SEMA6A: variants seen among roughly 807,000 people sequenced by gnomAD.
SEMA6A encodes semaphorin-6A.
A neutral mutation model predicts 96.8 loss-of-function variants in SEMA6A; 25 were observed. The ratio of observed to expected loss-of-function variants is 0.26; its 90% confidence interval spans 0.19 to 0.36. The LOEUF is 0.36. SEMA6A is among the 10% of genes least tolerant of loss of function. SEMA6A has a pLI of 1.00. For missense variants in SEMA6A, 1,363 were observed against 1,323.1 expected (o/e 1.03, Z -0.47); for synonymous variants, 612 against 518.0 (o/e 1.18, Z -2.46).
intron 3 of SEMA6A, among the ~76,000 whole-genome samples, chr5:116,501,818 G>C (rs938963904): frequency 6.6e-6 from 1 of 152,158 alleles, no homozygotes; most frequent in Middle Eastern, 3.4e-3. Flanking sequence ...ACCCAGGAGA[G>C]GGAGGCTTCA....
In SEMA6A at chr5:116,556,136, A is replaced by C. The variant is rs538219338; in HGVS notation, c.-39+18049T>G. 3.9e-5 allele frequency among the ~76,000 whole-genome samples: 6 copies of C among 152,324 alleles called. No individual in the cohort carries two copies. In the South Asian group the frequency reaches 1.2e-3, roughly 32 times the overall value. ...ATAACAACTGTAGCAAAACATAGTC[A>C]CCTAACTCCTAATGCCTTATTTAAT... On this transcript the variant is annotated intron_variant, in intron 1 of 18. Coordinates refer to ENST00000343348, the MANE Select transcript of SEMA6A (RefSeq NM_020796.5).
intron 18 of SEMA6A, among the ~76,000 whole-genome samples, chr5:116,450,234 C>T (rs796452897): frequency 4.6e-5 from 7 of 152,262 alleles, no homozygotes; most frequent in African/African-American, 1.7e-4. Context: ...ACAGGCTAGA[C>T]GGCCCCAGTA....
intron 18 of SEMA6A, among the ~76,000 whole-genome samples, chr5:116,450,884 T>C (rs2112585948): frequency 6.6e-6 from 1 of 152,330 alleles, no homozygotes; most frequent in East Asian, 1.9e-4. Context: ...TAAACGTTAT[T>C]TTTGGAAATG....
At chr5:116,506,938 C>T (rs540680160) in intron 1 of SEMA6A, among the ~76,000 whole-genome samples, 52 of 152,314 alleles carry the variant, frequency 3.4e-4, no homozygotes, top group African/African-American at 1.2e-3. Context: ...GTCCTATAAG[C>T]TAACAAGACA....
chr5:116,451,172 T>C (rs1754609509), intron 18 of SEMA6A, among the ~76,000 whole-genome samples: 1 of 152,190 alleles, frequency 6.6e-6, no homozygotes, highest in Non-Finnish European at 1.5e-5. Context: ...TCTTACTGCC[T>C]TACTGGATTG....
rs190628078 is a variant in SEMA6A at position 116,494,980 on chromosome 5, G to T, written c.444+433C>A. ...GAGTGCTCAATGGAATTAAATTCCT[G>T]TGTTCTTGTAGGAAAGTCTACGGTT... On this transcript the variant is annotated intron_variant, in intron 6 of 18. Transcript: ENST00000343348. Among the ~76,000 whole-genome samples, 6 of 152,326 alleles carry T rather than the reference G, an allele frequency of 3.9e-5. No homozygotes were observed. The East Asian group carries it at 1.2e-3, about 29-fold the overall frequency.
At chr5:116,516,131 C>A (rs1243779759) in intron 1 of SEMA6A, among the ~76,000 whole-genome samples, 1 of 152,100 alleles carries the variant, frequency 6.6e-6, no homozygotes, top group Non-Finnish European at 1.5e-5. Flanking sequence ...TTCCCAGAAC[C>A]CTGAAAGCCA....
chr5:116,513,592 CTTGA>C (rs1357258066), intron 1 of SEMA6A, among the ~76,000 whole-genome samples: 1 of 148,220 alleles, frequency 6.7e-6, no homozygotes, highest in Non-Finnish European at 1.5e-5. Context: ...AAACCTTCCT[CTTGA>C]TTTTCTTTTT....
intron 1 of SEMA6A, among the ~76,000 whole-genome samples, chr5:116,523,470 C>A (rs1175638862): frequency 6.6e-6 from 1 of 152,090 alleles, no homozygotes; most frequent in African/African-American, 2.4e-5. Context: ...CGCCACCATG[C>A]CCAGCTAATT....
chr5:116,556,824 T>C (rs780655353), intron 1 of SEMA6A, among the ~76,000 whole-genome samples: 2 of 152,224 alleles, frequency 1.3e-5, no homozygotes, highest in Non-Finnish European at 2.9e-5. Flanking sequence ...AGAAAACATG[T>C]CAGTCACTCT....
At chr5:116,479,662 A>C (rs1182097074) in intron 12 of SEMA6A, among the ~76,000 whole-genome samples, 1 of 152,206 alleles carries the variant, frequency 6.6e-6, no homozygotes, top group Non-Finnish European at 1.5e-5. Context: ...CAGTTCAGAA[A>C]AAGAATATTA....
At chr5:116,493,235 G>T (rs73254634) in intron 6 of SEMA6A, among the ~76,000 whole-genome samples, 1,999 of 152,292 alleles carry the variant, frequency 0.013, 43 homozygotes, top group African/African-American at 0.045. Context: ...CCTGTACTTT[G>T]TCATAAAAGA....
chr5:116,487,112 GAA>G, intron 9 of SEMA6A, 146 bp from the exon 10 acceptor site: 1 of 617,638 alleles, frequency 1.6e-6, no homozygotes, highest in Non-Finnish European at 2.8e-6. Context: ...AAAAAAGAAA[GAA>G]AAGAAAAAAA....
rs547651304 is a variant in SEMA6A at position 116,511,623 on chromosome 5, G to A, written c.-38-6641C>T. Among the ~76,000 whole-genome samples the A allele has an allele frequency of 7.2e-5, 11 of 152,190 alleles. No individual in the cohort carries two copies. The East Asian group carries it at 9.6e-4, about 13-fold the overall frequency. ...GTGGCTGAAAGTCCCTAATGGCTTC[G>A]GTGATAAAAATCTATAAAGGGAGTA... On this transcript the variant is annotated intron_variant, in intron 1 of 18. Coordinates refer to ENST00000343348, the MANE Select transcript of SEMA6A (RefSeq NM_020796.5).
intron 18 of SEMA6A, among the ~76,000 whole-genome samples, chr5:116,465,352 G>C (rs1231673689): frequency 6.6e-6 from 1 of 152,154 alleles, no homozygotes. Flanking sequence ...AAAACAATTT[G>C]GAGCAAAATG....
At chr5:116,465,067 C>G (rs1362178040) in intron 18 of SEMA6A, among the ~76,000 whole-genome samples, 1 of 152,086 alleles carries the variant, frequency 6.6e-6, no homozygotes, top group Non-Finnish European at 1.5e-5. Context: ...GACAATCGAC[C>G]CAGTAGAAAG....
intron 11 of SEMA6A, among the ~76,000 whole-genome samples, chr5:116,481,382 G>C (rs147333144): frequency 8.5e-4 from 130 of 152,284 alleles, no homozygotes; most frequent in African/African-American, 3.0e-3. Context: ...ATCTGTCTGA[G>C]GTTGCTGGGG....
chr5:116,461,665 A>G (rs560151309), intron 18 of SEMA6A, among the ~76,000 whole-genome samples: 10 of 152,180 alleles, frequency 6.6e-5, no homozygotes, highest in South Asian at 4.1e-4. Flanking sequence ...TCACAGTTCT[A>G]TGTCCTTGAT....
chr5:116,525,585 C>G (rs188565635), intron 1 of SEMA6A, among the ~76,000 whole-genome samples: 1 of 152,300 alleles, frequency 6.6e-6, no homozygotes, highest in Admixed American at 6.5e-5. Context: ...ACTTCCCACC[C>G]ACAGCCTTCT....
Sources: allele counts gnomAD v4.1 joint callset (sites outside exome capture counted in the v4.1 genomes callset), GRCh38; gene constraint gnomAD v4.1.1; transcripts MANE v1.5; gene names NCBI Gene and HGNC (gene_info 2026-07-23, HGNC 2026-07-21).